The following NCBP1 variants were observed in gnomAD, a reference collection of about 807,000 sequenced individuals.
NCBP1 encodes nuclear cap-binding protein subunit 1.
NCBP1 carries 16 observed loss-of-function variants against 111.7 expected under a neutral mutation model. The ratio of observed to expected loss-of-function variants is 0.14; its 90% CI spans 0.10 to 0.22. The LOEUF (loss-of-function observed/expected upper bound fraction) is 0.22, where lower values mean the gene tolerates loss of function less well. Ranked by LOEUF, NCBP1 falls within the 10% of genes least tolerant of loss-of-function variation. The pLI is 1.00. For missense variants in NCBP1, 607 were observed against 957.5 expected (o/e 0.63, Z 4.83); for synonymous variants, 304 against 314.3 (o/e 0.97, Z 0.35).
rs1828212837 is a variant in NCBP1 at position 97,672,206 on chromosome 9, TTC to T, written c.*1008_*1009del. ...TGAGGAATTGTCTGACATTCCAAATTTCGAGGATTTTTAGACTTTTTTCATTA... is the reference window on the plus strand; with the variant it reads ...TGAGGAATTGTCTGACATTCCAAATTGAGGATTTTTAGACTTTTTTCATTA... On this transcript the variant is annotated 3_prime_UTR_variant, in exon 23 of 23. Transcript: ENST00000375147. The T allele has an allele frequency of 6.6e-6, 1 of 152,188 alleles. No homozygotes were observed. The highest frequency in any genetic ancestry group is 2.4e-5 in the African/African-American group (1 of 41,448). 9.4% of individuals were successfully genotyped at this position (152,188 alleles called of 1,614,324 possible). A position where few individuals can be genotyped will look rare whatever the true frequency, so the allele number is the denominator to read the frequency against.
At chr9:97,642,895 T>G (rs1015940463) in intron 3 of NCBP1, among the ~76,000 whole-genome samples, 1 of 152,142 alleles carries the variant, frequency 6.6e-6, no homozygotes, top group African/African-American at 2.4e-5. Context: ...GAAATGCTAT[T>G]CAGTTCCACT....
intron 19 of NCBP1, among the ~76,000 whole-genome samples, chr9:97,664,988 A>G (rs936413902): frequency 6.6e-6 from 1 of 152,310 alleles, no homozygotes; most frequent in South Asian, 2.1e-4. Context: ...TAACGGAAAG[A>G]AAGTTTTTGC....
At position 97,657,926 on chromosome 9, in the gene NCBP1, ATTTTTTT is replaced by A. The variant is rs57402675; in HGVS notation, c.1374-703_1374-697del. ...TCTCTCTATATATATATATATATAT[ATTTTTTT>A]TTTTTTTTTTAACGTCCCCAGCCAT... On this transcript the variant is annotated intron_variant, in intron 14 of 22. Coordinates refer to ENST00000375147, the MANE Select transcript of NCBP1 (RefSeq NM_002486.5). Among the ~76,000 whole-genome samples the A allele has an allele frequency of 4.3e-3, 389 of 91,390 alleles. 3 individuals carry two copies. The highest frequency in any genetic ancestry group is 0.015 in the African/African-American group (362 of 24,888). 60.0% of individuals were successfully genotyped at this position (91,390 alleles called of 152,430 possible).
At chr9:97,646,593 T>C (rs1827340441) in intron 6 of NCBP1, among the ~76,000 whole-genome samples, 1 of 152,114 alleles carries the variant, frequency 6.6e-6, no homozygotes, top group Admixed American at 6.5e-5. Context: ...CCCAGCACTT[T>C]AGGAGGCCAA....
intron 1 of NCBP1, among the ~76,000 whole-genome samples, 194 bp downstream of exon 1, chr9:97,634,109 C>A (rs113719820): frequency 6.6e-6 from 1 of 152,240 alleles, no homozygotes; most frequent in African/African-American, 2.4e-5. Flanking sequence ...CGCCCCAGTT[C>A]TTTGAGTCAA....
At chr9:97,650,378 C>A (rs1465582694) in intron 8 of NCBP1, 125 bp from the exon 9 acceptor site, 18 of 607,664 alleles carry the variant, frequency 3.0e-5, no homozygotes, top group Non-Finnish European at 4.5e-5. Flanking sequence ...TTTAACACTT[C>A]AGAACTTTTA....
chr9:97,650,375 C>T (rs1827466638), intron 8 of NCBP1, 128 bp from the exon 9 acceptor site: 1 of 592,794 alleles, frequency 1.7e-6, no homozygotes, highest in Non-Finnish European at 2.9e-6. Flanking sequence ...AGCTTTAACA[C>T]TTCAGAACTT....
chr9:97,650,476 A>G (rs1250008340), intron 8 of NCBP1, 27 bp from the exon 9 acceptor site: 1 of 1,510,216 alleles, frequency 6.6e-7, no homozygotes, highest in Admixed American at 1.7e-5. Context: ...CTAGGCCTGT[A>G]GTGTACACAT....
intron 14 of NCBP1, among the ~76,000 whole-genome samples, 193 bp downstream of exon 14, chr9:97,656,278 A>G (rs1827651207): frequency 6.6e-6 from 1 of 152,238 alleles, no homozygotes; most frequent in Non-Finnish European, 1.5e-5. Context: ...TTAAGCCAAT[A>G]AGTTCTTTTA....
intron 10 of NCBP1, among the ~76,000 whole-genome samples, chr9:97,651,600 C>T (rs1039445327): frequency 2.0e-5 from 3 of 152,092 alleles, no homozygotes; most frequent in African/African-American, 7.2e-5. Flanking sequence ...TTTGAATTGC[C>T]TATAAGTTAT....
At position 97,653,858 on chromosome 9, in the gene NCBP1, A is replaced by G. The variant is rs752232675; in HGVS notation, c.1120A>G (p.Thr374Ala). The G allele has an allele frequency of 6.2e-7, 1 of 1,614,102 alleles. No homozygotes were observed. The highest frequency in any genetic ancestry group is 8.5e-7 in the Non-Finnish European group (1 of 1,180,008). The change falls in exon 11 of 23, where the codon ACA becomes GCA. Residue 374 changes from threonine to alanine, a missense_variant. Physicochemically the swap from Thr to Ala is moderately conservative, Grantham distance 58. Around this residue, in one of 9 missense-constraint regions of NCBP1, gnomAD observed 33 missense variants for 46.5 expected, o/e 0.71. Coordinates refer to ENST00000375147, the MANE Select transcript of NCBP1 (RefSeq NM_002486.5). The stretch of plus-strand genomic sequence containing the variant: ...CCCTCACATTGATGTGATGTACACA[A>G]CACTCCTCATTGAACTGTGCAAACT... ...APPHIDVMYTTLLIELCKLQP... is the reference protein window; with the variant it reads ...APPHIDVMYTALLIELCKLQP...
At chr9:97,658,254 T>C (rs1302085141) in intron 14 of NCBP1, among the ~76,000 whole-genome samples, 1 of 152,168 alleles carries the variant, frequency 6.6e-6, no homozygotes, top group Non-Finnish European at 1.5e-5. Flanking sequence ...CTACACTTCT[T>C]CTCTACCATG....
chr9:97,646,669 C>T (rs907581960), intron 6 of NCBP1, among the ~76,000 whole-genome samples: 1 of 151,940 alleles, frequency 6.6e-6, no homozygotes, highest in African/African-American at 2.4e-5. Flanking sequence ...AAACCCATCT[C>T]TACTAAAAAA....
chr9:97,664,305 G>A, intron 18 of NCBP1, 35 bp from the exon 19 acceptor site: 1 of 1,303,058 alleles, frequency 7.7e-7, no homozygotes. Context: ...GTGTATGTGT[G>A]TGTGTGATTT....
intron 16 of NCBP1, 38 bp downstream of exon 16, chr9:97,661,106 A>G (rs1305441300): frequency 3.1e-6 from 5 of 1,605,648 alleles, no homozygotes; most frequent in Non-Finnish European, 4.2e-6. Context: ...GGAACTATGT[A>G]TAGGCCAACT....
intron 1 of NCBP1, among the ~76,000 whole-genome samples, chr9:97,638,256 CTT>C (rs776475460): frequency 6.6e-6 from 1 of 152,164 alleles, no homozygotes; most frequent in Non-Finnish European, 1.5e-5. Context: ...CCTCTTAATA[CTT>C]TCTGCCTCCT....
chr9:97,634,143 C>A (rs1022480048), intron 1 of NCBP1, among the ~76,000 whole-genome samples: 1 of 152,244 alleles, frequency 6.6e-6, no homozygotes, highest in Admixed American at 6.5e-5. Context: ...GGAAAGAAGG[C>A]CTGGTGAACC....
Position 97,635,414 on chromosome 9 carries a change from C to CT in NCBP1, c.34+1513dup, listed in dbSNP as rs5899316. Among the ~76,000 whole-genome samples, 279 of 141,896 alleles carry CT rather than the reference C, an allele frequency of 2.0e-3. 1 individual carries two copies. The highest frequency in any genetic ancestry group is 0.011 in the Middle Eastern group (3 of 280). The allele number at this position is 141,896 out of a possible 152,430, so 93.1% of individuals were successfully genotyped here. On this transcript the variant is annotated intron_variant, in intron 1 of 22. Coordinates refer to ENST00000375147, the MANE Select transcript of NCBP1 (RefSeq NM_002486.5). ...AGGCACAGAAAATACAATTCCCTCCCTTTTTTTTTTTTTTCTGAGACGGAG... is the reference window on the plus strand; with the variant it reads ...AGGCACAGAAAATACAATTCCCTCCCTTTTTTTTTTTTTTTCTGAGACGGAG...
In NCBP1 at chr9:97,664,396, C is replaced by T. The variant is rs146503140; in HGVS notation, c.1854C>T (p.Ala618=). The T allele has an allele frequency of 7.8e-5, 126 of 1,612,608 alleles. No homozygotes were observed. The highest frequency in any genetic ancestry group is 2.2e-4 in the Admixed American group (13 of 59,978). ...MIRTQIVDCA[A]VANWIFSSEL... ...GTACACAAATAGTTGATTGTGCTGC[C>T]GTAGCAAATTGGATCTTCTCTTCAG... Residue 618 remains alanine, a synonymous_variant, in exon 19 of 23, where the codon GCC becomes GCT. Transcript: ENST00000375147.
Sources: gnomAD v4.1 joint callset for allele counts (sites outside exome capture counted in the v4.1 genomes callset) on GRCh38, gnomAD v4.1.1 for gene constraint, gnomAD v4.1.1 regional missense constraint, MANE v1.5 for transcripts, NCBI Gene and HGNC (gene_info 2026-07-23, HGNC 2026-07-21) for gene names.